The following RCL1 variants were observed in gnomAD, a reference collection of about 807,000 sequenced individuals.
RCL1 encodes the protein RNA terminal phosphate cyclase like 1.
Under a neutral mutation model 42.4 loss-of-function variants are expected in RCL1, and 24 were observed. The ratio of observed to expected loss-of-function variants is 0.57; its 90% CI spans 0.41 to 0.80. RCL1 has a LOEUF of 0.80. Ranked by LOEUF, RCL1 falls within the 30% of genes least tolerant of loss-of-function variation. The pLI is 0.00. For missense variants in RCL1, 578 were observed against 467.9 expected, an observed-to-expected ratio of 1.24 and a Z score of -2.17; for synonymous variants, 228 against 177.3, an observed-to-expected ratio of 1.29 and a Z score of -2.27.
intron 3 of RCL1, among the ~76,000 whole-genome samples, chr9:4,827,845 G>A (rs1816817651): frequency 6.6e-6 from 1 of 151,872 alleles, no homozygotes; most frequent in East Asian, 1.9e-4. Context: ...TGTAGGAAGG[G>A]GTGGATTCCC....
At chr9:4,819,118 C>T (rs776031092) in intron 1 of RCL1, among the ~76,000 whole-genome samples, 14 of 152,002 alleles carry the variant, frequency 9.2e-5, no homozygotes, top group Non-Finnish European at 1.3e-4. Context: ...ACACAAAATT[C>T]AAAGGGAATA....
At chr9:4,815,869 G>C (rs1208803490) in intron 1 of RCL1, among the ~76,000 whole-genome samples, 1 of 152,078 alleles carries the variant, frequency 6.6e-6, no homozygotes, top group African/African-American at 2.4e-5. Flanking sequence ...GGATCGCTAG[G>C]ATCCTCTTCC....
chr9:4,850,613 A>G (rs460182), intron 8 of RCL1, among the ~76,000 whole-genome samples: 85,620 of 151,502 alleles, frequency 0.57, 24,487 homozygotes, highest in East Asian at 0.74. Context: ...TAAGGACCAC[A>G]TTATCTCCTG....
chr9:4,811,983 C>T (rs2130983566), intron 1 of RCL1, among the ~76,000 whole-genome samples: 1 of 152,110 alleles, frequency 6.6e-6, no homozygotes, highest in South Asian at 2.1e-4. Context: ...ACCTGTTGGC[C>T]ATTTGTATGT....
chr9:4,847,578 C>T (rs776112785), intron 7 of RCL1, among the ~76,000 whole-genome samples: 1 of 152,234 alleles, frequency 6.6e-6, no homozygotes, highest in African/African-American at 2.4e-5. Context: ...ATTATGGCCA[C>T]TGGCTCTCTG....
chr9:4,850,884 C>G (rs918006036), intron 8 of RCL1, among the ~76,000 whole-genome samples: 2 of 152,102 alleles, frequency 1.3e-5, no homozygotes, highest in African/African-American at 4.8e-5. Flanking sequence ...TTTCCCAGCC[C>G]TTGCTTCAGG....
At chr9:4,851,460 C>T (rs1472075580) in intron 8 of RCL1, among the ~76,000 whole-genome samples, 18 of 152,254 alleles carry the variant, frequency 1.2e-4, no homozygotes, top group Non-Finnish European at 2.9e-5. Context: ...TGCCCCTAAT[C>T]ACTATGGACA....
At chr9:4,813,071 C>A (rs1336740177) in intron 1 of RCL1, among the ~76,000 whole-genome samples, 1 of 152,084 alleles carries the variant, frequency 6.6e-6, no homozygotes, top group Non-Finnish European at 1.5e-5. Flanking sequence ...CTGTGTCTTG[C>A]CTAATTGCTT....
At chr9:4,808,981 G>A (rs1195528549) in intron 1 of RCL1, among the ~76,000 whole-genome samples, 1 of 152,154 alleles carries the variant, frequency 6.6e-6, no homozygotes, top group Non-Finnish European at 1.5e-5. Context: ...CTTAACTCTT[G>A]CTGTGTTGCT....
chr9:4,835,660 G>T (rs2131016600), intron 5 of RCL1, among the ~76,000 whole-genome samples: 1 of 152,366 alleles, frequency 6.6e-6, no homozygotes, highest in Middle Eastern at 3.4e-3. Context: ...ATGAAGCAAA[G>T]TAATGAGCTG....
intron 8 of RCL1, among the ~76,000 whole-genome samples, chr9:4,857,229 C>T (rs1048965398): frequency 5.3e-5 from 8 of 152,118 alleles, no homozygotes; most frequent in Non-Finnish European, 2.9e-5. Flanking sequence ...AGAAAGAAAC[C>T]CTGTGCCAGC....
At position 4,851,994 on chromosome 9, in the gene RCL1, A is replaced by G. The variant is rs534465326; in HGVS notation, c.971+2444A>G. On this transcript the variant is annotated intron_variant, in intron 8 of 8. Transcript: ENST00000381750. ...CTCCCGGGTTCAACGCCATTCTCCTACCTCAGCCTCCCGAGTAGCTGGGAC... is the reference window on the plus strand; with the variant it reads ...CTCCCGGGTTCAACGCCATTCTCCTGCCTCAGCCTCCCGAGTAGCTGGGAC... Among the ~76,000 whole-genome samples the G allele has an allele frequency of 8.7e-4, 129 of 148,306 alleles. 2 individuals are homozygous for G. Among genetic ancestry groups the G allele is most frequent in the South Asian group, 4.2e-4 (2 of 4,740 alleles).
chr9:4,821,411 G>GA (rs1378432473), intron 1 of RCL1, among the ~76,000 whole-genome samples: 1 of 152,130 alleles, frequency 6.6e-6, no homozygotes, highest in Non-Finnish European at 1.5e-5. Context: ...GGCATTCTTG[G>GA]ATCCTAGCCT....
chr9:4,793,915 C>T lies in RCL1; in HGVS notation c.136+688C>T, dbSNP rs576254508. 5.3e-5 allele frequency among the ~76,000 whole-genome samples: 8 copies of T among 152,328 alleles called. No homozygotes were observed. In the South Asian group the frequency reaches 1.7e-3, roughly 32 times the overall value. On this transcript the variant is annotated intron_variant, in intron 1 of 8. Coordinates refer to ENST00000381750, the MANE Select transcript of RCL1 (RefSeq NM_005772.5). ...TGACAATCGCTAAACTGCAGGCTTCCAAGCTCACTTCTTGCTCTGCAATGG... is the reference window on the plus strand; with the variant it reads ...TGACAATCGCTAAACTGCAGGCTTCTAAGCTCACTTCTTGCTCTGCAATGG...
Position 4,860,271 on chromosome 9 carries a change from A to G in RCL1, c.1118A>G (p.Lys373Arg). 1 of 1,612,592 alleles carries G rather than the reference A, an allele frequency of 6.2e-7. No homozygotes were observed. Among genetic ancestry groups the G allele is most frequent in the South Asian group, 1.1e-5 (1 of 90,638 alleles). ...IGFSNLSKTL[K>R] ...TTCTCCAACCTTAGCAAGACCCTCA[A>G]GTGATAACCATCACAAGATAAGGCC... The change falls in exon 9 of 9, where the codon AAG becomes AGG. Residue 373 changes from lysine to arginine, a missense_variant. By Grantham distance (26) the Lys-to-Arg change is conservative. Transcript: ENST00000381750.
intron 1 of RCL1, among the ~76,000 whole-genome samples, chr9:4,817,655 C>G (rs1349896714): frequency 6.6e-6 from 1 of 151,660 alleles, no homozygotes; most frequent in Non-Finnish European, 1.5e-5. Flanking sequence ...CGCCACCATG[C>G]CTGGCTAATT....
intron 1 of RCL1, among the ~76,000 whole-genome samples, chr9:4,806,015 G>GC (rs1815938141): frequency 1.2e-5 from 1 of 83,896 alleles, no homozygotes; most frequent in East Asian, 7.1e-4. Context: ...AAATACCATT[G>GC]GGGTGTGTGT....
At chr9:4,836,655 G>C (rs1817145225) in intron 5 of RCL1, 1 of 152,126 alleles carries the variant, frequency 6.6e-6, no homozygotes, top group South Asian at 2.1e-4. Context: ...GGCGGGGGTG[G>C]GTGCTTAAGG....
chr9:4,843,658 T>C (rs1310015027), intron 6 of RCL1, among the ~76,000 whole-genome samples: 3 of 152,230 alleles, frequency 2.0e-5, no homozygotes, highest in African/African-American at 7.2e-5. Flanking sequence ...TAATGACAAA[T>C]ACACCTTAGA....
Sources: allele counts gnomAD v4.1 joint callset (sites outside exome capture counted in the v4.1 genomes callset), GRCh38; gene constraint gnomAD v4.1.1; transcripts MANE v1.5; gene names NCBI Gene and HGNC (gene_info 2026-07-23, HGNC 2026-07-21).